The following AP3S1 variants were observed in gnomAD, a reference collection of about 807,000 sequenced individuals.
The protein encoded by AP3S1 is AP-3 complex subunit sigma-1.
AP3S1 carries 12 observed loss-of-function variants against 21.3 expected under a neutral mutation model. The ratio of observed to expected loss-of-function variants is 0.56; its 90% CI spans 0.36 to 0.91. The LOEUF is 0.91. Among genes scored for constraint, AP3S1 ranks in the 40% least tolerant of loss-of-function variants. The pLI is 0.01. For synonymous variants in AP3S1, 48 were observed against 78.4 expected (o/e 0.61, Z 2.05); for missense variants, 116 against 225.0 (o/e 0.52, Z 3.10).
At chr5:115,901,610 AG>A (rs1751220702) in intron 4 of AP3S1, among the ~76,000 whole-genome samples, 1 of 150,408 alleles carries the variant, frequency 6.6e-6, no homozygotes, top group East Asian at 2.0e-4. Context: ...GCTAGAGTGC[AG>A]TAGTGTGATT....
At chr5:115,864,678 T>C (rs1205656390) in intron 1 of AP3S1, among the ~76,000 whole-genome samples, 1 of 152,072 alleles carries the variant, frequency 6.6e-6, no homozygotes, top group Non-Finnish European at 1.5e-5. Context: ...ATCAAAGAAA[T>C]CATGGAAGAG....
At chr5:115,895,254 T>C in intron 4 of AP3S1, 96 bp downstream of exon 4, 1 of 811,234 alleles carries the variant, frequency 1.2e-6, no homozygotes, top group Non-Finnish European at 1.9e-6. Context: ...TCTATTTTTA[T>C]TCTTTTATTA....
At chr5:115,868,529 A>G (rs779308679) in intron 2 of AP3S1, among the ~76,000 whole-genome samples, 1 of 152,172 alleles carries the variant, frequency 6.6e-6, no homozygotes, top group Non-Finnish European at 1.5e-5. Context: ...GAAGTAGTAT[A>G]TACCTTGGGA....
At chr5:115,896,250 T>C (rs1750746809) in intron 4 of AP3S1, among the ~76,000 whole-genome samples, 1 of 152,236 alleles carries the variant, frequency 6.6e-6, no homozygotes, top group Non-Finnish European at 1.5e-5. Flanking sequence ...TTTCATTATT[T>C]GTGAATGTCA....
intron 1 of AP3S1, among the ~76,000 whole-genome samples, chr5:115,861,826 C>T (rs1211675660): frequency 4.0e-5 from 6 of 150,636 alleles, no homozygotes; most frequent in East Asian, 1.9e-4. Flanking sequence ...GGATTACAGA[C>T]GTGAGTCACT....
At chr5:115,843,053 G>A (rs1441649985) in intron 1 of AP3S1, among the ~76,000 whole-genome samples, 1 of 152,186 alleles carries the variant, frequency 6.6e-6, no homozygotes, top group East Asian at 1.9e-4. Flanking sequence ...AGAGATAAGT[G>A]ATTTGTTGAT....
intron 2 of AP3S1, among the ~76,000 whole-genome samples, chr5:115,869,325 T>G (rs540145064): frequency 5.6e-4 from 86 of 152,274 alleles, no homozygotes; most frequent in Non-Finnish European, 1.1e-3. Context: ...AGAAGTGTCA[T>G]TCTTCTTTTT....
intron 3 of AP3S1, among the ~76,000 whole-genome samples, chr5:115,870,412 A>G (rs1748127693): frequency 6.6e-6 from 1 of 152,086 alleles, no homozygotes; most frequent in Non-Finnish European, 1.5e-5. Context: ...TCCAAAACTA[A>G]CCCTAAACCC....
At chr5:115,896,729 A>G (rs867159747) in intron 4 of AP3S1, among the ~76,000 whole-genome samples, 3 of 152,204 alleles carry the variant, frequency 2.0e-5, no homozygotes, top group African/African-American at 7.2e-5. Flanking sequence ...GTAGTGAGCC[A>G]TGATTGTGCC....
Position 115,869,053 on chromosome 5 carries a change from T to G in AP3S1, c.162-964T>G, listed in dbSNP as rs181825349. ...AATTTTGGTTACATATAGCCTTGATTGTAAATTATGTAAGTGTTTAGGGGT... is the reference window on the plus strand; with the variant it reads ...AATTTTGGTTACATATAGCCTTGATGGTAAATTATGTAAGTGTTTAGGGGT... On this transcript the variant is annotated intron_variant, in intron 2 of 5. Transcript: ENST00000316788. 3.8e-3 allele frequency among the ~76,000 whole-genome samples: 585 copies of G among 152,106 alleles called. 1 individual carries two copies. The highest frequency in any genetic ancestry group is 0.013 in the African/African-American group (558 of 41,482).
At chr5:115,874,458 G>A (rs1202799614) in intron 3 of AP3S1, among the ~76,000 whole-genome samples, 2 of 151,894 alleles carry the variant, frequency 1.3e-5, no homozygotes, top group African/African-American at 2.4e-5. Context: ...TAAATTCACT[G>A]GATAATTCCA....
chr5:115,866,347 T>A (rs1763618469), intron 1 of AP3S1, among the ~76,000 whole-genome samples: 1 of 152,238 alleles, frequency 6.6e-6, no homozygotes, highest in Non-Finnish European at 1.5e-5. Context: ...ATTTGTAAGA[T>A]AATCAGCTTT....
intron 1 of AP3S1, among the ~76,000 whole-genome samples, chr5:115,857,074 A>T (rs1413711602): frequency 6.6e-6 from 1 of 152,208 alleles, no homozygotes; most frequent in Non-Finnish European, 1.5e-5. Flanking sequence ...TGAAGTTCCT[A>T]TGAGAAATTC....
chr5:115,866,464 A>AT (rs1462084401), intron 1 of AP3S1, among the ~76,000 whole-genome samples: 5 of 152,314 alleles, frequency 3.3e-5, no homozygotes, highest in Admixed American at 3.3e-4. Flanking sequence ...TTATAGTGGT[A>AT]AATATAAATA....
chr5:115,906,298 A>G (rs1751649785), intron 5 of AP3S1, among the ~76,000 whole-genome samples: 1 of 152,200 alleles, frequency 6.6e-6, no homozygotes, highest in South Asian at 2.1e-4. Flanking sequence ...GTCTGGGTAT[A>G]ATTGAGACAC....
At chr5:115,859,165 T>C (rs1486226646) in intron 1 of AP3S1, among the ~76,000 whole-genome samples, 1 of 152,180 alleles carries the variant, frequency 6.6e-6, no homozygotes, top group Non-Finnish European at 1.5e-5. Flanking sequence ...GTGCGATCTT[T>C]ACTTGAGGTA....
intron 1 of AP3S1, among the ~76,000 whole-genome samples, chr5:115,845,836 C>CAAAAAAAAAAAAAAA (rs755171274): frequency 1.5e-4 from 5 of 34,452 alleles, no homozygotes; most frequent in South Asian, 1.9e-3. Context: ...GACTCCATCT[C>CAAAAAAAAAAAAAAA]AAAAAAAAAA....
At chr5:115,892,016 A>G (rs1462398206) in intron 3 of AP3S1, among the ~76,000 whole-genome samples, 1 of 152,244 alleles carries the variant, frequency 6.6e-6, no homozygotes, top group African/African-American at 2.4e-5. Context: ...TTGAATAGAC[A>G]TTTCTCAAAA....
At chr5:115,855,233 T>C (rs964484460) in intron 1 of AP3S1, among the ~76,000 whole-genome samples, 4 of 151,956 alleles carry the variant, frequency 2.6e-5, no homozygotes, top group African/African-American at 9.7e-5. Flanking sequence ...GAGATGGGGT[T>C]TCACCATGTT....
Sources: allele counts gnomAD v4.1 joint callset (sites outside exome capture counted in the v4.1 genomes callset), GRCh38; gene constraint gnomAD v4.1.1; transcripts MANE v1.5; gene names NCBI Gene and HGNC (gene_info 2026-07-23, HGNC 2026-07-21).